The following B4GALNT3 variants were observed in gnomAD, a reference collection of about 807,000 sequenced individuals.
B4GALNT3 encodes the protein beta-1,4-N-acetylgalactosaminyltransferase 3.
B4GALNT3 carries 86 observed loss-of-function variants against 120.2 expected under a neutral mutation model. The observed-to-expected ratio is 0.72, with a 90% CI of 0.60 to 0.86. The LOEUF is 0.86. Among genes scored for constraint, B4GALNT3 ranks in the 40% least tolerant of loss-of-function variants. The probability of loss-of-function intolerance (pLI) is 0.00; values close to 1 mark genes in which losing one functional copy is unlikely to be tolerated. For missense variants in B4GALNT3, 1,167 were observed against 1,298.9 expected (o/e 0.90, Z 1.56); for synonymous variants, 518 against 510.4 (o/e 1.01, Z -0.20).
chr12:466,430 C>T (rs75668794), intron 1 of B4GALNT3, among the ~76,000 whole-genome samples: 1 of 152,308 alleles, frequency 6.6e-6, no homozygotes, highest in East Asian at 1.9e-4. Flanking sequence ...CTTTTATTTT[C>T]CACAAGCACT....
chr12:484,315 C>G (rs1014491347), intron 1 of B4GALNT3, among the ~76,000 whole-genome samples: 2 of 152,152 alleles, frequency 1.3e-5, no homozygotes, highest in African/African-American at 2.4e-5. Flanking sequence ...AGTACCTGTC[C>G]TTACCCCACC....
At position 460,393 on chromosome 12, in the gene B4GALNT3, C is replaced by G; in HGVS notation, c.17C>G (p.Ala6Gly). Reference protein sequence around the residue: MGSPRAARPPLLLRPV... With the variant: MGSPRGARPPLLLRPV... ...CGCAGCGCCATGGGGAGCCCCCGGGCCGCGCGGCCCCCGCTGCTCCTGCGC... is the reference window on the plus strand; with the variant it reads ...CGCAGCGCCATGGGGAGCCCCCGGGGCGCGCGGCCCCCGCTGCTCCTGCGC... Residue 6 changes from alanine (A) to glycine (G), a missense_variant, in exon 1 of 20, where the codon GCC becomes GGC. Coordinates refer to ENST00000266383, the MANE Select transcript of B4GALNT3 (RefSeq NM_173593.4). This position sits in a 1 kb window ranked among gnomAD's most constrained non-coding sequence, Gnocchi z 8.0. 1 of 1,476,606 alleles carries G rather than the reference C, an allele frequency of 6.8e-7. No homozygotes were observed. Among genetic ancestry groups the G allele is most frequent in the Non-Finnish European group, 9.0e-7 (1 of 1,115,194 alleles). The allele number at this position is 1,476,606 out of a possible 1,614,324, so 91.5% of individuals were successfully genotyped here.
intron 6 of B4GALNT3, 96 bp from the exon 7 acceptor site, chr12:546,550 C>A: frequency 9.0e-7 from 1 of 1,112,254 alleles, no homozygotes; most frequent in Non-Finnish European, 1.3e-6. Context: ...CTTTTTCTCT[C>A]ACTTCTTGGT....
chr12:548,454 G>T lies in B4GALNT3; in HGVS notation c.853+157G>T, dbSNP rs1343900452. On this transcript the variant is annotated intron_variant, in intron 9 of 19. Coordinates refer to ENST00000266383, the MANE Select transcript of B4GALNT3 (RefSeq NM_173593.4). The surrounding 1 kb of genome is among the most constrained non-coding windows in gnomAD (Gnocchi z 4.9). Reference sequence around the variant, plus strand: ...GTCCAGAACAAGAGTGGGACCTTATGACCAGGAGTCCTTAACTCCCCAGGG... The same window carrying T: ...GTCCAGAACAAGAGTGGGACCTTATTACCAGGAGTCCTTAACTCCCCAGGG... Among the ~76,000 whole-genome samples, 1 of 152,122 alleles carries T rather than the reference G, an allele frequency of 6.6e-6. No homozygotes were observed. The highest frequency in any genetic ancestry group is 1.5e-5 in the Non-Finnish European group (1 of 68,012).
At chr12:510,918 A>G (rs1443499449) in intron 1 of B4GALNT3, among the ~76,000 whole-genome samples, 1 of 149,896 alleles carries the variant, frequency 6.7e-6, no homozygotes, top group East Asian at 2.0e-4. Context: ...CTCACCCTAG[A>G]AAGGAACCTC....
At chr12:508,589 G>A (rs1946519065) in intron 1 of B4GALNT3, among the ~76,000 whole-genome samples, 1 of 152,088 alleles carries the variant, frequency 6.6e-6, no homozygotes, top group Non-Finnish European at 1.5e-5. Flanking sequence ...CCCAGAATTG[G>A]GCACAGCCTC....
chr12:545,967 G>A (rs1297267149), intron 6 of B4GALNT3, among the ~76,000 whole-genome samples: 3 of 103,992 alleles, frequency 2.9e-5, no homozygotes, highest in African/African-American at 1.2e-4. Flanking sequence ...GAGTGGGGAG[G>A]TGAGAGGAGT....
Position 470,411 on chromosome 12 carries a change from C to T in B4GALNT3, c.169+9866C>T, listed in dbSNP as rs190823290. On this transcript the variant is annotated intron_variant, in intron 1 of 19. Transcript: ENST00000266383. ...AACGAATGTGTGCAGTGTGTGCTCA[C>T]GCACACCTCCCTCACCAGCCAGCTG... 5.1e-3 allele frequency among the ~76,000 whole-genome samples: 779 copies of T among 152,382 alleles called. 2 individuals carry two copies. The highest frequency in any genetic ancestry group is 0.02 in the Middle Eastern group (6 of 294).
intron 19 of B4GALNT3, 69 bp downstream of exon 19, chr12:559,490 T>C: frequency 1.3e-6 from 2 of 1,593,572 alleles, no homozygotes; most frequent in Non-Finnish European, 1.7e-6. Context: ...GGAGCCAGGC[T>C]ACAGCAGCCT....
intron 1 of B4GALNT3, among the ~76,000 whole-genome samples, chr12:517,111 G>A (rs1178802766): frequency 2.0e-5 from 3 of 152,170 alleles, no homozygotes; most frequent in African/African-American, 7.2e-5. Context: ...GTGAGAGAGT[G>A]AGTAAGAAAA....
intron 1 of B4GALNT3, among the ~76,000 whole-genome samples, chr12:484,102 C>T (rs1032020310): frequency 1.3e-5 from 2 of 152,192 alleles, no homozygotes; most frequent in Non-Finnish European, 2.9e-5. Context: ...GAACTAATCC[C>T]GTACCAGCGA....
Position 549,746 on chromosome 12 carries a change from C to T in B4GALNT3, c.854-23C>T, listed in dbSNP as rs60647829. On this transcript the variant is annotated intron_variant, in intron 9 of 19. Coordinates refer to ENST00000266383, the MANE Select transcript of B4GALNT3 (RefSeq NM_173593.4). The stretch of plus-strand genomic sequence containing the variant: ...GCGCTCCAGGCCACACAGCCTCCTG[C>T]TTTCTTTCCTCCCTGCGCCCAGATG... 5.2e-4 allele frequency: 840 copies of T among 1,613,546 alleles called. 5 individuals are homozygous for T. The East Asian group carries it at 0.011, about 22-fold the overall frequency.
In B4GALNT3 at chr12:553,208, C is replaced by T. The variant is rs762088661; in HGVS notation, c.1285C>T (p.Leu429Phe). The T allele has an allele frequency of 2.5e-6, 4 of 1,612,564 alleles. No individual in the cohort carries two copies. Among genetic ancestry groups the T allele is most frequent in the Non-Finnish European group, 3.4e-6 (4 of 1,179,350 alleles). Residue 429 changes from leucine (L) to phenylalanine (F), a missense_variant, in exon 14 of 20, where the codon CTT becomes TTT. This residue lies in a region of B4GALNT3 where 983 missense variants were observed against 1,102.5 expected (regional missense o/e 0.89). Transcript: ENST00000266383. ...GLEQPGFEEN[L>F]LEESQYGEVA... ...ATTAATAGCAGGTTTTGAGGAAAAC[C>T]TTCTAGAAGAGTCCCAGTATGGGGA...
intron 1 of B4GALNT3, among the ~76,000 whole-genome samples, chr12:487,225 A>G (rs1337831867): frequency 2.0e-5 from 3 of 152,222 alleles, no homozygotes; most frequent in African/African-American, 7.2e-5. Flanking sequence ...ACATAATGGA[A>G]TATCAGAAGG....
chr12:512,562 C>T (rs570462344), intron 1 of B4GALNT3, among the ~76,000 whole-genome samples: 455 of 144,106 alleles, frequency 3.2e-3, no homozygotes, highest in Middle Eastern at 0.011. Flanking sequence ...CGACCTTCCA[C>T]CTTCCACCTT....
At chr12:473,152 A>G (rs1592010817) in intron 1 of B4GALNT3, among the ~76,000 whole-genome samples, 1 of 152,154 alleles carries the variant, frequency 6.6e-6, no homozygotes, top group Admixed American at 6.5e-5. Flanking sequence ...AACTTTTTGT[A>G]AAGATGGGCC....
intron 3 of B4GALNT3, among the ~76,000 whole-genome samples, chr12:537,039 G>A (rs531160902): frequency 7.2e-5 from 11 of 152,180 alleles, no homozygotes; most frequent in Non-Finnish European, 1.3e-4. Flanking sequence ...AGTATGAGAA[G>A]TTCTGCAGCC....
intron 1 of B4GALNT3, among the ~76,000 whole-genome samples, chr12:501,628 G>A (rs1347685589): frequency 6.6e-6 from 1 of 152,176 alleles, no homozygotes; most frequent in Non-Finnish European, 1.5e-5. Context: ...ACTAGAGGCT[G>A]AGGATTGCAC....
At chr12:530,547 C>G (rs927491990) in intron 1 of B4GALNT3, among the ~76,000 whole-genome samples, 1 of 152,194 alleles carries the variant, frequency 6.6e-6, no homozygotes, top group African/African-American at 2.4e-5. Context: ...ATGCAAATAA[C>G]AAGCTGCCAT....
Sources: gnomAD v4.1 joint callset for allele counts (sites outside exome capture counted in the v4.1 genomes callset) on GRCh38, gnomAD v4.1.1 for gene constraint, gnomAD v4.1.1 regional missense constraint, Gnocchi (gnomAD v3.1) non-coding constraint, MANE v1.5 for transcripts, NCBI Gene and HGNC (gene_info 2026-07-23, HGNC 2026-07-21) for gene names.